Variants in CSMD1 observed in about 807,000 individuals in gnomAD.
CSMD1 encodes CUB and Sushi multiple domains 1, also known as CUB and sushi domain-containing protein 1.
Under a neutral mutation model 417.5 loss-of-function variants are expected in CSMD1, and 213 were observed. The observed-to-expected ratio is 0.51, with a 90% CI of 0.46 to 0.57. The LOEUF is 0.57. CSMD1 is among the 20% of genes least tolerant of loss of function. The pLI, the probability that CSMD1 is intolerant of heterozygous loss-of-function variation, is 0.00. For missense variants in CSMD1, 6,923 were observed against 4,529.7 expected (o/e 1.53, Z -15.17); for synonymous variants, 2,862 against 1,736.8 (o/e 1.65, Z -16.11).
chr8:4,355,306 T>TACAC (rs66981171), intron 3 of CSMD1, among the ~76,000 whole-genome samples: 7,924 of 140,024 alleles, frequency 0.057, 310 homozygotes, highest in Non-Finnish European at 0.081. Context: ...AACCACTTCA[T>TACAC]ACACACACAC....
chr8:4,150,170 G>A (rs895907864), intron 3 of CSMD1, among the ~76,000 whole-genome samples: 24 of 152,164 alleles, frequency 1.6e-4, no homozygotes, highest in Non-Finnish European at 2.9e-4. Context: ...ACAAAATCCA[G>A]GTATGTCCTG....
chr8:3,501,436 T>C (rs1796596581), intron 10 of CSMD1, among the ~76,000 whole-genome samples: 2 of 152,218 alleles, frequency 1.3e-5, no homozygotes, highest in African/African-American at 4.8e-5. Context: ...GGCAAATGAA[T>C]AGGAAAAATA....
intron 31 of CSMD1, 141 bp from the exon 32 acceptor site, chr8:3,201,866 T>G (rs1676839533): frequency 4.3e-6 from 2 of 462,276 alleles, no homozygotes; most frequent in South Asian, 1.1e-4. Flanking sequence ...ATTAACTTAT[T>G]TTCTCTGCTT....
rs1157317142 is a variant in CSMD1, at chr8:3,029,315, T to A, written c.7855+4A>T. ...CTTTCAGGGGTGCCTCCCTCATCAC[T>A]TACCTCGACAGCTTGGCCTCTCATC... On this transcript the variant is annotated splice_donor_region_variant and intron_variant, in intron 51 of 69. Coordinates refer to ENST00000635120, the MANE Select transcript of CSMD1 (RefSeq NM_033225.6). 1 of 1,598,776 alleles carries A rather than the reference T, an allele frequency of 6.3e-7. No homozygotes were observed. Among genetic ancestry groups the A allele is most frequent in the Non-Finnish European group, 8.5e-7 (1 of 1,172,650 alleles).
At chr8:3,312,486 G>C (rs1476160) in intron 23 of CSMD1, among the ~76,000 whole-genome samples, 1,624 of 152,192 alleles carry the variant, frequency 0.011, 32 homozygotes, top group African/African-American at 0.037. Context: ...GAAAGTATTT[G>C]GCCATTCTAG....
At chr8:3,068,959 A>G (rs1813141342) in intron 49 of CSMD1, among the ~76,000 whole-genome samples, 1 of 152,076 alleles carries the variant, frequency 6.6e-6, no homozygotes, top group Non-Finnish European at 1.5e-5. Context: ...TGTCTTCCCA[A>G]CAGAAGCCAA....
intron 3 of CSMD1, among the ~76,000 whole-genome samples, chr8:4,127,330 G>T (rs758842406): frequency 6.6e-6 from 1 of 151,022 alleles, no homozygotes; most frequent in Admixed American, 6.6e-5. Flanking sequence ...TTTCTTTCTG[G>T]CAGTACAAGC....
At chr8:4,387,188 G>C (rs1170185462) in intron 3 of CSMD1, among the ~76,000 whole-genome samples, 2 of 152,166 alleles carry the variant, frequency 1.3e-5, no homozygotes, top group East Asian at 3.9e-4. Flanking sequence ...TTGTGGCTAG[G>C]AGGTATCTGA....
At chr8:3,841,268 A>T (rs1803114811) in intron 5 of CSMD1, among the ~76,000 whole-genome samples, 1 of 152,184 alleles carries the variant, frequency 6.6e-6, no homozygotes, top group Admixed American at 6.6e-5. Flanking sequence ...CATGAGCTTG[A>T]TTTTGAACTA....
chr8:3,884,745 G>A (rs1041471713), intron 5 of CSMD1, among the ~76,000 whole-genome samples: 1 of 152,006 alleles, frequency 6.6e-6, no homozygotes, highest in African/African-American at 2.4e-5. Context: ...TATAAAACCT[G>A]TGAGTAAATA....
At chr8:3,399,981 A>G (rs1374466705) in intron 15 of CSMD1, among the ~76,000 whole-genome samples, 4 of 152,178 alleles carry the variant, frequency 2.6e-5, no homozygotes, top group African/African-American at 4.8e-5. Context: ...CATTGTGTGC[A>G]TTTTATTAAA....
intron 1 of CSMD1, among the ~76,000 whole-genome samples, chr8:4,886,476 T>C (rs906835195): frequency 6.6e-6 from 1 of 152,036 alleles, no homozygotes; most frequent in Non-Finnish European, 1.5e-5. Flanking sequence ...TATGATGTCT[T>C]TTTAGTTTAT....
chr8:4,657,336 T>G lies in CSMD1; in HGVS notation c.86-19778A>C, dbSNP rs75499454. Among the ~76,000 whole-genome samples the G allele has an allele frequency of 6.1e-3, 928 of 152,276 alleles. 30 individuals carry two copies. In the East Asian group the frequency reaches 0.1, roughly 17 times the overall value. ...GCACACAAAGGGTCAACTGGCAGAC[T>G]GAGAGAGGATTTTCATTTTTGTTTT... On this transcript the variant is annotated intron_variant, in intron 1 of 69. Coordinates refer to ENST00000635120, the MANE Select transcript of CSMD1 (RefSeq NM_033225.6).
At chr8:3,000,215 A>G (rs1281376783) in intron 52 of CSMD1, 84 bp from the exon 53 acceptor site, 8 of 951,316 alleles carry the variant, frequency 8.4e-6, no homozygotes, top group African/African-American at 5.0e-5. Context: ...TATCAAGTCA[A>G]TAACAGTATT....
At chr8:4,797,315 T>C (rs1407615672) in intron 1 of CSMD1, among the ~76,000 whole-genome samples, 2 of 152,188 alleles carry the variant, frequency 1.3e-5, no homozygotes, top group African/African-American at 4.8e-5. Context: ...CTTGCTTTTG[T>C]GGCAGCTGAG....
rs1362530907 is a variant in CSMD1 at position 3,780,858 on chromosome 8, G to T, written c.819-26816C>A. Among the ~76,000 whole-genome samples, 3 of 152,140 alleles carry T rather than the reference G, an allele frequency of 2.0e-5. 1 individual carries two copies. The highest frequency in any genetic ancestry group is 4.8e-5 in the African/African-American group (2 of 41,428). On this transcript the variant is annotated intron_variant, in intron 5 of 69. Coordinates refer to ENST00000635120, the MANE Select transcript of CSMD1 (RefSeq NM_033225.6). ...TCCTCAATAATTTTCTCTGCTTATT[G>T]GATATTTTGAGATTTGCAGAGTGTG... is the stretch of plus-strand genomic sequence containing the variant.
chr8:4,728,994 G>A lies in CSMD1; in HGVS notation c.86-91436C>T, dbSNP rs373414979. ...CTGCATTTTAGAGGAGGGAGACTGT[G>A]GTGATATAAATCTAGAAGGCGTTAG... On this transcript the variant is annotated intron_variant, in intron 1 of 69. Coordinates refer to ENST00000635120, the MANE Select transcript of CSMD1 (RefSeq NM_033225.6). Among the ~76,000 whole-genome samples, 3 of 152,114 alleles carry A rather than the reference G, an allele frequency of 2.0e-5. No individual in the cohort carries two copies. The East Asian group carries it at 5.8e-4, about 29-fold the overall frequency.
chr8:4,981,929 C>T (rs1810912086), intron 1 of CSMD1, among the ~76,000 whole-genome samples: 1 of 152,098 alleles, frequency 6.6e-6, no homozygotes, highest in African/African-American at 2.4e-5. Flanking sequence ...TGGTTTGAGC[C>T]ATGCTAGGAA....
chr8:3,277,629 G>T (rs571412687), intron 26 of CSMD1, among the ~76,000 whole-genome samples: 119 of 152,262 alleles, frequency 7.8e-4, no homozygotes, highest in African/African-American at 2.7e-3. Flanking sequence ...GATGTCAAGG[G>T]GCCCAGGATT....
Sources: gnomAD v4.1 joint callset for allele counts (sites outside exome capture counted in the v4.1 genomes callset) on GRCh38, gnomAD v4.1.1 for gene constraint, MANE v1.5 for transcripts, NCBI Gene and HGNC (gene_info 2026-07-23, HGNC 2026-07-21) for gene names.